Variants in CLDN14 observed in about 807,000 individuals in gnomAD.
CLDN14 encodes the protein claudin-14.
A neutral mutation model predicts 2.1 loss-of-function variants in CLDN14; 2 were observed. That is an observed-to-expected ratio of 0.96 (90% CI 0.39 to 3.01). The LOEUF (loss-of-function observed/expected upper bound fraction) is 3.01, where lower values mean the gene tolerates loss of function less well. Among genes scored for constraint, CLDN14 ranks in the 30% most tolerant of loss-of-function variants. The probability of loss-of-function intolerance (pLI) is 0.09; values close to 1 mark genes in which losing one functional copy is unlikely to be tolerated. For synonymous variants in CLDN14, 136 were observed against 154.4 expected (o/e 0.88, Z 0.88); for missense variants, 298 against 328.0 (o/e 0.91, Z 0.71).
intron 1 of CLDN14, among the ~76,000 whole-genome samples, chr21:36,565,799 G>T (rs531295925): frequency 6.6e-6 from 1 of 152,274 alleles, no homozygotes; most frequent in South Asian, 2.1e-4. Flanking sequence ...CTATAAAAAA[G>T]TTCTCTCATC....
intron 1 of CLDN14, among the ~76,000 whole-genome samples, chr21:36,546,789 C>T (rs774517801): frequency 3.8e-4 from 58 of 152,216 alleles, no homozygotes; most frequent in Non-Finnish European, 7.9e-4. Context: ...TTGGAATCTT[C>T]GTAAGTCTCC....
chr21:36,542,316 C>T (rs2087496180), intron 1 of CLDN14, among the ~76,000 whole-genome samples: 1 of 152,204 alleles, frequency 6.6e-6, no homozygotes, highest in Non-Finnish European at 1.5e-5. Context: ...TCTCACGCTG[C>T]CCGGAAAATT....
intron 2 of CLDN14, among the ~76,000 whole-genome samples, chr21:36,488,560 G>A (rs949243223): frequency 6.6e-5 from 10 of 151,144 alleles, no homozygotes; most frequent in East Asian, 5.9e-4. Flanking sequence ...GTGAGCCACC[G>A]CGCCCGGCCT....
At chr21:36,474,480 A>G (rs1047085230) in intron 1 of CLDN14, among the ~76,000 whole-genome samples, 4 of 152,178 alleles carry the variant, frequency 2.6e-5, no homozygotes, top group Non-Finnish European at 2.9e-5. Flanking sequence ...TTTGATAACT[A>G]TGTTTTACTA....
At chr21:36,522,397 G>A (rs1023158929) in intron 1 of CLDN14, among the ~76,000 whole-genome samples, 1 of 152,190 alleles carries the variant, frequency 6.6e-6, no homozygotes, top group Admixed American at 6.5e-5. Flanking sequence ...ATTAACTTTG[G>A]GAGACACTGA....
intron 1 of CLDN14, among the ~76,000 whole-genome samples, chr21:36,525,950 C>T (rs954465531): frequency 6.6e-6 from 1 of 152,134 alleles, no homozygotes; most frequent in African/African-American, 2.4e-5. Flanking sequence ...GCCCCTGGAC[C>T]AGAGGGAAGC....
chr21:36,481,614 T>C (rs2845766), upstream of CLDN14, among the ~76,000 whole-genome samples: 132,253 of 152,180 alleles, frequency 0.87, 57,613 homozygotes, highest in African/African-American at 0.9. Flanking sequence ...TGACAGTGAA[T>C]GAAATGGACG....
intron 1 of CLDN14, among the ~76,000 whole-genome samples, chr21:36,523,024 C>T (rs2146494391): frequency 6.6e-6 from 1 of 152,274 alleles, no homozygotes; most frequent in Non-Finnish European, 1.5e-5. Flanking sequence ...CCAAGACCAA[C>T]CAGGCACTTG....
intron 1 of CLDN14, among the ~76,000 whole-genome samples, chr21:36,539,533 ATGTGGAGTGTG>A (rs1021929583): frequency 3.0e-4 from 37 of 123,708 alleles, no homozygotes; most frequent in African/African-American, 8.6e-4. Context: ...GAGTGAGTGT[ATGTGGAGTGTG>A]TGTGGAGTGT....
At chr21:36,489,131 A>AATATATATATATATATATAT (rs1555847001) in intron 2 of CLDN14, among the ~76,000 whole-genome samples, 1 of 62,750 alleles carries the variant, frequency 1.6e-5, no homozygotes, top group African/African-American at 5.9e-5. Context: ...AAAAAAAAAA[A>AATATATATATATATATATAT]ATATATATAT....
chr21:36,503,531 C>T (rs971117632), intron 2 of CLDN14, among the ~76,000 whole-genome samples: 10 of 152,160 alleles, frequency 6.6e-5, no homozygotes, highest in African/African-American at 1.4e-4. Flanking sequence ...CTTTGCCTGT[C>T]GCCATCCATG....
At chr21:36,550,025 T>A (rs61056861) in intron 1 of CLDN14, among the ~76,000 whole-genome samples, 1,926 of 152,328 alleles carry the variant, frequency 0.013, 44 homozygotes, top group African/African-American at 0.044. Context: ...GCTACAACAC[T>A]GCCTGGCACA....
intron 1 of CLDN14, among the ~76,000 whole-genome samples, chr21:36,546,636 C>T (rs969439911): frequency 3.9e-5 from 6 of 152,134 alleles, no homozygotes; most frequent in East Asian, 1.9e-4. Context: ...ACAATGTAAA[C>T]GCTTACCTTT....
At chr21:36,552,695 AAAAC>A (rs1190408276) in intron 1 of CLDN14, among the ~76,000 whole-genome samples, 1 of 137,930 alleles carries the variant, frequency 7.3e-6, no homozygotes, top group Non-Finnish European at 1.6e-5. Context: ...AAAACAAAAC[AAAAC>A]AAAACAAAAC....
intron 1 of CLDN14, among the ~76,000 whole-genome samples, chr21:36,536,313 C>T (rs1242731301): frequency 6.6e-6 from 1 of 152,200 alleles, no homozygotes; most frequent in African/African-American, 2.4e-5. Flanking sequence ...AGGCAGCCCA[C>T]CCATCCTCAG....
At chr21:36,485,431 ACTC>A (rs1193743516) in intron 2 of CLDN14, among the ~76,000 whole-genome samples, 3 of 150,414 alleles carry the variant, frequency 2.0e-5, no homozygotes, top group Non-Finnish European at 4.4e-5. Context: ...CAGGTCTTGA[ACTC>A]CTGATCTCAA....
At chr21:36,550,046 T>C (rs1428618011) in intron 1 of CLDN14, among the ~76,000 whole-genome samples, 1 of 152,186 alleles carries the variant, frequency 6.6e-6, no homozygotes, top group African/African-American at 2.4e-5. Context: ...TAGCATGACA[T>C]TGGTATTTAT....
upstream of CLDN14, among the ~76,000 whole-genome samples, chr21:36,481,998 C>T (rs546798849): frequency 6.6e-6 from 1 of 152,248 alleles, no homozygotes; most frequent in East Asian, 1.9e-4. Context: ...AGTCTCCAGC[C>T]CTTCTCTCCC....
chr21:36,533,267 C>T (rs894715158), intron 1 of CLDN14, among the ~76,000 whole-genome samples: 6 of 152,110 alleles, frequency 3.9e-5, no homozygotes, highest in East Asian at 3.9e-4. Context: ...ATGGTCTGCA[C>T]GGGCAGGGGA....
Sources: allele counts gnomAD v4.1 joint callset (sites outside exome capture counted in the v4.1 genomes callset), GRCh38; gene constraint gnomAD v4.1.1; transcripts MANE v1.5; gene names NCBI Gene and HGNC (gene_info 2026-07-23, HGNC 2026-07-21).